CERS3: variants seen among roughly 807,000 people sequenced by gnomAD.
CERS3 encodes LAG1 homolog, ceramide synthase 3.
In CERS3, 33 loss-of-function variants were observed where a neutral mutation model predicts 50.3. The ratio of observed to expected loss-of-function variants is 0.66; its 90% CI spans 0.50 to 0.88. CERS3 has a LOEUF of 0.88. CERS3 is among the 40% of genes least tolerant of loss of function. The pLI is 0.00. For missense variants in CERS3, 470 were observed against 460.3 expected, an observed-to-expected ratio of 1.02 and a Z score of -0.19; for synonymous variants, 176 against 155.2, an observed-to-expected ratio of 1.13 and a Z score of -0.99.
intron 7 of CERS3, among the ~76,000 whole-genome samples, chr15:100,478,537 G>T (rs2035205164): frequency 6.6e-6 from 1 of 152,086 alleles, no homozygotes; most frequent in Admixed American, 6.5e-5. Flanking sequence ...ACACATCATG[G>T]GTTGTGTTAT....
intron 11 of CERS3, among the ~76,000 whole-genome samples, chr15:100,429,424 G>A (rs1311171316): frequency 2.0e-5 from 3 of 152,130 alleles, no homozygotes; most frequent in Admixed American, 2.0e-4. Context: ...GGACCTTTAA[G>A]TGTCTTCTAA....
At position 100,402,627 on chromosome 15, in the gene CERS3, A is replaced by C; in HGVS notation, c.*86T>G. ...GGTGGTGAGAAAGAGGGAAGGGCAG[A>C]ATGTGGGGTCGGTGTGGGGCCTGGA... On this transcript the variant is annotated 3_prime_UTR_variant, in exon 12 of 12. Transcript: ENST00000679737. 3 of 1,340,622 alleles carry C rather than the reference A, an allele frequency of 2.2e-6. No individual in the cohort carries two copies. The highest frequency in any genetic ancestry group is 3.1e-6 in the Non-Finnish European group (3 of 974,934). The allele number at this position is 1,340,622 out of a possible 1,614,324, so 83.0% of individuals were successfully genotyped here. A position where few individuals can be genotyped will look rare whatever the true frequency, so the allele number is the denominator to read the frequency against.
chr15:100,507,431 A>G (rs1347064034), intron 2 of CERS3, among the ~76,000 whole-genome samples: 2 of 152,270 alleles, frequency 1.3e-5, no homozygotes, highest in African/African-American at 2.4e-5. Context: ...TGTGACAGTC[A>G]CTCTTCTCTA....
At chr15:100,430,182 G>A (rs1008929890) in intron 11 of CERS3, among the ~76,000 whole-genome samples, 21 of 151,734 alleles carry the variant, frequency 1.4e-4, no homozygotes, top group Non-Finnish European at 2.9e-4. Flanking sequence ...TGTGGTGGGG[G>A]GCGCCTGTAG....
At chr15:100,528,352 T>C (rs2036853159) in intron 1 of CERS3, among the ~76,000 whole-genome samples, 1 of 152,194 alleles carries the variant, frequency 6.6e-6, no homozygotes, top group African/African-American at 2.4e-5. Flanking sequence ...TGGTCTGAAA[T>C]GGCCTTTGCC....
At chr15:100,449,792 C>G (rs1055063240) in intron 11 of CERS3, among the ~76,000 whole-genome samples, 3 of 152,110 alleles carry the variant, frequency 2.0e-5, no homozygotes, top group Non-Finnish European at 4.4e-5. Flanking sequence ...AACTGTTATA[C>G]CAGATGTGTA....
At chr15:100,506,027 A>G (rs529323325) in intron 2 of CERS3, among the ~76,000 whole-genome samples, 2 of 152,280 alleles carry the variant, frequency 1.3e-5, no homozygotes, top group African/African-American at 4.8e-5. Context: ...CTGTGAGCCT[A>G]TGGGGTGTCT....
intron 3 of CERS3, among the ~76,000 whole-genome samples, chr15:100,494,888 T>C (rs2035764224): frequency 6.6e-6 from 1 of 152,176 alleles, no homozygotes; most frequent in South Asian, 2.1e-4. Flanking sequence ...TCCAAGAACA[T>C]GTTGGAGTTT....
intron 11 of CERS3, among the ~76,000 whole-genome samples, chr15:100,426,464 G>A (rs1403691874): frequency 6.6e-6 from 1 of 152,174 alleles, no homozygotes; most frequent in African/African-American, 2.4e-5. Flanking sequence ...AGGCATGAGA[G>A]GAAGGATACC....
At chr15:100,487,482 C>T (rs960014680) in intron 4 of CERS3, among the ~76,000 whole-genome samples, 3 of 152,222 alleles carry the variant, frequency 2.0e-5, no homozygotes, top group African/African-American at 7.2e-5. Flanking sequence ...CACAGAAAGT[C>T]GGTGACAGAG....
At chr15:100,463,969 C>T (rs552532420) in intron 10 of CERS3, among the ~76,000 whole-genome samples, 1 of 152,290 alleles carries the variant, frequency 6.6e-6, no homozygotes, top group Non-Finnish European at 1.5e-5. Context: ...CTGTTGGGTG[C>T]TTTCAGCTTT....
intron 2 of CERS3, among the ~76,000 whole-genome samples, chr15:100,515,795 TG>T (rs1489252383): frequency 6.6e-6 from 1 of 152,202 alleles, no homozygotes; most frequent in Non-Finnish European, 1.5e-5. Context: ...AGCTGGTGGC[TG>T]GGTAAGTAGG....
At chr15:100,412,065 C>T (rs1055386849) in intron 11 of CERS3, among the ~76,000 whole-genome samples, 3 of 152,048 alleles carry the variant, frequency 2.0e-5, no homozygotes, top group Admixed American at 6.6e-5. Context: ...TTGTGGGTTA[C>T]CTTTAACTCT....
intron 1 of CERS3, among the ~76,000 whole-genome samples, chr15:100,523,700 CAAAAAAA>C (rs34875423): frequency 7.8e-5 from 4 of 51,510 alleles, no homozygotes; most frequent in Admixed American, 1.8e-4. Flanking sequence ...GACTCCATCT[CAAAAAAA>C]AAAAAAAAAA....
chr15:100,498,103 C>T (rs2035886129), intron 3 of CERS3, among the ~76,000 whole-genome samples: 1 of 151,926 alleles, frequency 6.6e-6, no homozygotes, highest in African/African-American at 2.4e-5. Context: ...ACTATGTTGG[C>T]CAGGATGGTC....
intron 10 of CERS3, among the ~76,000 whole-genome samples, chr15:100,467,780 T>C (rs1173081099): frequency 1.1e-4 from 15 of 131,024 alleles, no homozygotes; most frequent in Non-Finnish European, 1.8e-4. Context: ...TATATATATA[T>C]ACACACATAT....
intron 1 of CERS3, among the ~76,000 whole-genome samples, chr15:100,525,698 ATTTAT>A (rs1159779438): frequency 6.6e-6 from 1 of 152,172 alleles, no homozygotes; most frequent in Admixed American, 6.5e-5. Context: ...GCCCTAATTT[ATTTAT>A]TTTAATTAGA....
chr15:100,497,258 T>C (rs150242654), intron 3 of CERS3, among the ~76,000 whole-genome samples: 1 of 151,420 alleles, frequency 6.6e-6, no homozygotes, highest in African/African-American at 2.4e-5. Context: ...GACATATATA[T>C]AGAGAGAGAG....
intron 11 of CERS3, among the ~76,000 whole-genome samples, chr15:100,420,218 A>G (rs1430334712): frequency 1.4e-5 from 2 of 144,576 alleles, no homozygotes; most frequent in African/African-American, 2.6e-5. Flanking sequence ...AGAAGAATCA[A>G]ATAGACGCAA....
Sources: allele counts gnomAD v4.1 joint callset (sites outside exome capture counted in the v4.1 genomes callset), GRCh38; gene constraint gnomAD v4.1.1; transcripts MANE v1.5; gene names NCBI Gene and HGNC (gene_info 2026-07-23, HGNC 2026-07-21).